The following TDRD1 variants were observed in gnomAD, a reference collection of about 807,000 sequenced individuals.
TDRD1 encodes the protein tudor domain-containing protein 1.
In TDRD1, 37 loss-of-function variants were observed where a neutral mutation model predicts 140.6. That is an observed-to-expected ratio of 0.26 (90% CI 0.20 to 0.35). The LOEUF is 0.35. TDRD1 is among the 10% of genes least tolerant of loss of function. The probability of loss-of-function intolerance (pLI) is 1.00; values close to 1 mark genes in which losing one functional copy is unlikely to be tolerated. For missense variants in TDRD1, 1,243 were observed against 1,393.0 expected (o/e 0.89, Z 1.71); for synonymous variants, 506 against 475.7 (o/e 1.06, Z -0.83).
chr10:114,192,587 T>C (rs761231855), intron 3 of TDRD1, among the ~76,000 whole-genome samples: 57 of 152,164 alleles, frequency 3.7e-4, no homozygotes, highest in Non-Finnish European at 7.1e-4. Flanking sequence ...ATTACAGGCG[T>C]GAGCCACCAG....
At chr10:114,196,017 C>G (rs960047484) in intron 3 of TDRD1, among the ~76,000 whole-genome samples, 1 of 152,196 alleles carries the variant, frequency 6.6e-6, no homozygotes, top group Non-Finnish European at 1.5e-5. Flanking sequence ...ATTTCTTTAC[C>G]TTCACCCATT....
chr10:114,182,280 G>A (rs967829401), intron 1 of TDRD1, among the ~76,000 whole-genome samples: 3 of 152,184 alleles, frequency 2.0e-5, no homozygotes, highest in Non-Finnish European at 4.4e-5. Flanking sequence ...TGGCTGTCCC[G>A]AATGAAAGGA....
intron 4 of TDRD1, among the ~76,000 whole-genome samples, chr10:114,199,532 G>T (rs1356594506): frequency 6.6e-6 from 1 of 152,156 alleles, no homozygotes; most frequent in Admixed American, 6.5e-5. Flanking sequence ...TAGTTTTTTA[G>T]GGGAAGCTCA....
intron 8 of TDRD1, 21 bp from the exon 9 acceptor site, chr10:114,204,052 A>G (rs201577204): frequency 1.1e-4 from 172 of 1,592,356 alleles, no homozygotes; most frequent in Middle Eastern, 2.1e-4. Flanking sequence ...GAAGCAGAGT[A>G]CCATTATATT....
chr10:114,226,938 C>G, intron 22 of TDRD1, 134 bp from the exon 23 acceptor site: 1 of 592,990 alleles, frequency 1.7e-6, no homozygotes, highest in Non-Finnish European at 3.0e-6. Flanking sequence ...TGTAATGCAA[C>G]AGCAGTAGTA....
intron 3 of TDRD1, among the ~76,000 whole-genome samples, chr10:114,197,057 G>T (rs1314833943): frequency 2.0e-5 from 3 of 151,762 alleles, no homozygotes; most frequent in Non-Finnish European, 4.4e-5. Flanking sequence ...ATGTTGGCCA[G>T]GCTGGTCTTG....
intron 3 of TDRD1, among the ~76,000 whole-genome samples, chr10:114,194,864 T>C (rs1433990131): frequency 1.3e-5 from 2 of 149,394 alleles, no homozygotes; most frequent in Non-Finnish European, 3.0e-5. Flanking sequence ...ACTCAAGCAA[T>C]CCCATTTGCT....
chr10:114,214,229 G>A, intron 16 of TDRD1, 115 bp downstream of exon 16: 1 of 825,588 alleles, frequency 1.2e-6, no homozygotes, highest in Non-Finnish European at 1.9e-6. Context: ...GAGCCAAGTG[G>A]TATTTGTATT....
chr10:114,214,557 T>C (rs1333049519), intron 16 of TDRD1, among the ~76,000 whole-genome samples: 1 of 152,086 alleles, frequency 6.6e-6, no homozygotes, highest in East Asian at 1.9e-4. Flanking sequence ...AAAACAAATT[T>C]AACTTGTGTT....
chr10:114,194,923 CT>C (rs34458557), intron 3 of TDRD1, among the ~76,000 whole-genome samples: 10,826 of 132,374 alleles, frequency 0.082, 528 homozygotes, highest in Middle Eastern at 0.17. Context: ...CCACACCTGG[CT>C]TTTTTTTTTT....
intron 3 of TDRD1, 67 bp downstream of exon 3, chr10:114,191,086 TAAA>T (rs945955430): frequency 1.3e-6 from 2 of 1,493,848 alleles, no homozygotes; most frequent in African/African-American, 1.4e-5. Context: ...ATTTATTTAA[TAAA>T]GAAGTGTTCA....
At chr10:114,231,535 G>C (rs765404276) in exon 26 of TDRD1, 1 of 1,583,860 alleles carries the variant, frequency 6.3e-7, no homozygotes, top group South Asian at 1.2e-5. Flanking sequence ...AACAGCAAAG[G>C]CTAGCTTTAG....
intron 25 of TDRD1, chr10:114,228,351 A>T: frequency 7.8e-7 from 1 of 1,288,046 alleles, no homozygotes. Context: ...GGGGTATTCC[A>T]GTTGTAATAG....
chr10:114,195,410 A>G (rs2034275071), intron 3 of TDRD1, among the ~76,000 whole-genome samples: 2 of 152,084 alleles, frequency 1.3e-5, no homozygotes, highest in Admixed American at 6.6e-5. Context: ...AGTCATGTCA[A>G]TTGTTGAGAA....
intron 21 of TDRD1, among the ~76,000 whole-genome samples, chr10:114,225,023 C>T (rs2036353994): frequency 6.6e-6 from 1 of 152,196 alleles, no homozygotes; most frequent in Non-Finnish European, 1.5e-5. Context: ...CCAGTGTCGC[C>T]ATCTTGATGG....
upstream of TDRD1, among the ~76,000 whole-genome samples, chr10:114,178,053 G>A (rs940961985): frequency 3.9e-5 from 6 of 151,926 alleles, no homozygotes; most frequent in African/African-American, 1.4e-4. Context: ...ATGTTGGCCA[G>A]GCTGGTCTCG....
intron 25 of TDRD1, among the ~76,000 whole-genome samples, chr10:114,229,822 T>A (rs1207977477): frequency 1.3e-5 from 2 of 150,218 alleles, no homozygotes; most frequent in South Asian, 2.1e-4. Flanking sequence ...TATATATTTT[T>A]TTTTTATTTT....
downstream of TDRD1, among the ~76,000 whole-genome samples, chr10:114,232,627 C>T (rs35375560): frequency 0.18 from 26,210 of 149,040 alleles, 2,505 homozygotes; most frequent in African/African-American, 0.25. Context: ...TAGATAAAAG[C>T]TCACGCTGCT....
chr10:114,214,254 GGTTATACTTA>G, intron 16 of TDRD1, 140 bp downstream of exon 16: 1 of 694,270 alleles, frequency 1.4e-6, no homozygotes, highest in Non-Finnish European at 2.3e-6. Context: ...AGAAAGATTT[GGTTATACTTA>G]GTTAGCTTTT....
Sources: allele counts gnomAD v4.1 joint callset (sites outside exome capture counted in the v4.1 genomes callset), GRCh38; gene constraint gnomAD v4.1.1; transcripts MANE v1.5; gene names NCBI Gene and HGNC (gene_info 2026-07-23, HGNC 2026-07-21).